Variants in ZNF385D observed in about 807,000 individuals in gnomAD.
The protein encoded by ZNF385D is zinc finger protein 385D.
Under a neutral mutation model 35.8 loss-of-function variants are expected in ZNF385D, and 15 were observed. The observed-to-expected ratio is 0.42, with a 90% CI of 0.28 to 0.64. The LOEUF is 0.64. Ranked by LOEUF, ZNF385D falls within the 30% of genes least tolerant of loss-of-function variation. ZNF385D has a pLI of 0.23. For missense variants in ZNF385D, 474 were observed against 494.6 expected (o/e 0.96, Z 0.39); for synonymous variants, 212 against 186.8 (o/e 1.13, Z -1.10).
intron 2 of ZNF385D, among the ~76,000 whole-genome samples, chr3:22,261,785 C>G (rs1443342988): frequency 2.6e-5 from 4 of 151,910 alleles, no homozygotes; most frequent in Admixed American, 6.6e-5. Context: ...GCTTCTTCAA[C>G]AGCAATAAGG....
chr3:21,999,080 C>T, intron 3 of ZNF385D, among the ~76,000 whole-genome samples: 1 of 152,174 alleles, frequency 6.6e-6, no homozygotes, highest in East Asian at 1.9e-4. Context: ...CAGACGTACT[C>T]ATTCCATATT....
chr3:21,433,098 C>T (rs939083376), intron 5 of ZNF385D, among the ~76,000 whole-genome samples: 18 of 152,048 alleles, frequency 1.2e-4, no homozygotes, highest in African/African-American at 4.3e-4. Flanking sequence ...AACTGACTTG[C>T]CCAGGTCCAT....
At chr3:21,672,054 T>G (rs17009232) in intron 1 of ZNF385D, among the ~76,000 whole-genome samples, 7,678 of 152,240 alleles carry the variant, frequency 0.05, 280 homozygotes, top group East Asian at 0.13. Flanking sequence ...GGGATAACAA[T>G]GAGCAATTTT....
intron 3 of ZNF385D, among the ~76,000 whole-genome samples, chr3:21,805,332 T>C (rs2072593524): frequency 6.6e-6 from 1 of 152,206 alleles, no homozygotes; most frequent in East Asian, 1.9e-4. Flanking sequence ...AAATAGGTTG[T>C]AAATCTGGGT....
chr3:22,327,930 A>G (rs71316080), intron 2 of ZNF385D, among the ~76,000 whole-genome samples: 296 of 152,338 alleles, frequency 1.9e-3, no homozygotes, highest in Non-Finnish European at 3.4e-3. Context: ...TTAATATGAA[A>G]ACATCTATCA....
chr3:21,959,462 C>T (rs1424066532), intron 3 of ZNF385D, among the ~76,000 whole-genome samples: 1 of 152,174 alleles, frequency 6.6e-6, no homozygotes, highest in Admixed American at 6.6e-5. Flanking sequence ...CAATCTCTAT[C>T]TTTCCCCTTC....
intron 2 of ZNF385D, among the ~76,000 whole-genome samples, chr3:22,194,578 A>G (rs181143317): frequency 6.6e-6 from 1 of 151,968 alleles, no homozygotes; most frequent in African/African-American, 2.4e-5. Flanking sequence ...ATTTTAACAT[A>G]TATTTAAATT....
At chr3:21,543,171 T>C (rs893801730) in intron 3 of ZNF385D, among the ~76,000 whole-genome samples, 10 of 151,826 alleles carry the variant, frequency 6.6e-5, no homozygotes, top group Non-Finnish European at 1.0e-4. Flanking sequence ...AATAAGCCGG[T>C]GTGGTGGCGC....
At chr3:22,363,252 G>C (rs1054885959) in intron 2 of ZNF385D, among the ~76,000 whole-genome samples, 1 of 152,000 alleles carries the variant, frequency 6.6e-6, no homozygotes, top group African/African-American at 2.4e-5. Flanking sequence ...GAGTCAAGCA[G>C]ACCCCAGCTT....
chr3:21,709,691 C>T (rs12636013), intron 1 of ZNF385D, among the ~76,000 whole-genome samples: 18,594 of 152,020 alleles, frequency 0.12, 1,313 homozygotes, highest in East Asian at 0.21. Flanking sequence ...AAGAGGGACG[C>T]CTCTATATGT....
At chr3:21,643,435 C>T (rs1250713715) in intron 2 of ZNF385D, among the ~76,000 whole-genome samples, 1 of 152,126 alleles carries the variant, frequency 6.6e-6, no homozygotes, top group African/African-American at 2.4e-5. Context: ...TCTACCCTAA[C>T]ACCAGGAAGG....
At chr3:21,651,819 A>C (rs1331190874) in intron 2 of ZNF385D, among the ~76,000 whole-genome samples, 1 of 152,214 alleles carries the variant, frequency 6.6e-6, no homozygotes, top group Admixed American at 6.5e-5. Flanking sequence ...TTCTATAAAA[A>C]ATTAAGCATC....
At chr3:22,039,915 G>T (rs1698562368) in intron 3 of ZNF385D, among the ~76,000 whole-genome samples, 1 of 152,038 alleles carries the variant, frequency 6.6e-6, no homozygotes, top group Non-Finnish European at 1.5e-5. Context: ...TGGCTCCCTT[G>T]TCCTCTGACT....
At chr3:22,274,259 T>A (rs1185686193) in intron 2 of ZNF385D, among the ~76,000 whole-genome samples, 1 of 151,972 alleles carries the variant, frequency 6.6e-6, no homozygotes, top group East Asian at 1.9e-4. Context: ...TCTACCTAGA[T>A]ACTAAAACTA....
intron 2 of ZNF385D, among the ~76,000 whole-genome samples, chr3:22,210,129 T>C (rs946354500): frequency 2.0e-5 from 3 of 151,844 alleles, no homozygotes; most frequent in African/African-American, 7.2e-5. Context: ...AAAGATTGTG[T>C]GGAAGGCAAG....
intron 3 of ZNF385D, among the ~76,000 whole-genome samples, chr3:22,089,168 A>C (rs1701193445): frequency 6.6e-6 from 1 of 152,186 alleles, no homozygotes; most frequent in Non-Finnish European, 1.5e-5. Flanking sequence ...GGCATGGCAG[A>C]TATGCTTTTA....
intron 1 of ZNF385D, among the ~76,000 whole-genome samples, chr3:21,702,225 C>T (rs1196748411): frequency 1.3e-5 from 2 of 152,186 alleles, no homozygotes; most frequent in Non-Finnish European, 2.9e-5. Flanking sequence ...AGCCGGATTC[C>T]CAAACCTCAA....
At chr3:22,295,437 T>G (rs995219882) in intron 2 of ZNF385D, among the ~76,000 whole-genome samples, 1 of 149,644 alleles carries the variant, frequency 6.7e-6, no homozygotes, top group Admixed American at 6.7e-5. Context: ...TATAAGAGAA[T>G]TATAACAAAT....
intron 2 of ZNF385D, among the ~76,000 whole-genome samples, chr3:22,270,150 T>C (rs1305645078): frequency 1.3e-5 from 2 of 151,940 alleles, no homozygotes; most frequent in African/African-American, 2.4e-5. Context: ...TGCCTAATAT[T>C]ATTCTGATTT....
Sources: gnomAD v4.1 joint callset for allele counts (sites outside exome capture counted in the v4.1 genomes callset) on GRCh38, gnomAD v4.1.1 for gene constraint, MANE v1.5 for transcripts, NCBI Gene and HGNC (gene_info 2026-07-23, HGNC 2026-07-21) for gene names.